The following SH3GL2 variants were observed in gnomAD, a reference collection of about 807,000 sequenced individuals.
SH3GL2 encodes SH3 domain containing GRB2 like 2, endophilin A1.
Under a neutral mutation model 46.0 loss-of-function variants are expected in SH3GL2, and 24 were observed. That is an observed-to-expected ratio of 0.52 (90% CI 0.38 to 0.73). SH3GL2 has a LOEUF of 0.73. Ranked by LOEUF, SH3GL2 falls within the 30% of genes least tolerant of loss-of-function variation. SH3GL2 has a pLI of 0.00. For missense variants in SH3GL2, 413 were observed against 424.2 expected (o/e 0.97, Z 0.23); for synonymous variants, 196 against 147.1 (o/e 1.33, Z -2.40).
At chr9:17,743,838 T>C (rs2118512087) in intron 1 of SH3GL2, among the ~76,000 whole-genome samples, 1 of 152,310 alleles carries the variant, frequency 6.6e-6, no homozygotes, top group South Asian at 2.1e-4. Flanking sequence ...GGGAAATGGT[T>C]TATTCACTAG....
At chr9:17,660,842 A>G (rs534317348) in intron 1 of SH3GL2, among the ~76,000 whole-genome samples, 3 of 152,338 alleles carry the variant, frequency 2.0e-5, no homozygotes, top group Non-Finnish European at 2.9e-5. Flanking sequence ...TGTAAGAACA[A>G]TTAGGTTAAT....
At chr9:17,584,241 C>T (rs1055261202) in intron 1 of SH3GL2, among the ~76,000 whole-genome samples, 9 of 152,282 alleles carry the variant, frequency 5.9e-5, no homozygotes, top group African/African-American at 2.2e-4. Flanking sequence ...TGGCTCACTC[C>T]TGTAATCCCA....
At position 17,584,704 on chromosome 9, in the gene SH3GL2, A is replaced by G. The variant is rs10963151; in HGVS notation, c.45+5417A>G. Among the ~76,000 whole-genome samples, 320 of 152,278 alleles carry G rather than the reference A, an allele frequency of 2.1e-3. 4 individuals are homozygous for G. In the East Asian group the frequency reaches 0.058, roughly 28 times the overall value. On this transcript the variant is annotated intron_variant, in intron 1 of 8. Coordinates refer to ENST00000380607, the MANE Select transcript of SH3GL2 (RefSeq NM_003026.5). ...ATGAGGTAATGCTTGTGAGAGTGCC[A>G]TGCTTGCATAATAAGGATCACTTGA...
intron 1 of SH3GL2, among the ~76,000 whole-genome samples, chr9:17,714,457 C>G (rs1232432653): frequency 6.6e-6 from 1 of 151,328 alleles, no homozygotes; most frequent in East Asian, 1.9e-4. Context: ...TTTTCCCTGC[C>G]TTTTTTTGGA....
At chr9:17,691,088 G>C (rs190187088) in intron 1 of SH3GL2, among the ~76,000 whole-genome samples, 11 of 152,302 alleles carry the variant, frequency 7.2e-5, no homozygotes, top group Admixed American at 7.2e-4. Context: ...ACCTTAGCAT[G>C]CTAGGGTAAA....
chr9:17,667,715 C>T (rs1482163533), intron 1 of SH3GL2, among the ~76,000 whole-genome samples: 1 of 152,040 alleles, frequency 6.6e-6, no homozygotes, highest in Non-Finnish European at 1.5e-5. Flanking sequence ...TATGTTTAAC[C>T]TTTTGAGGTA....
At chr9:17,739,153 G>T (rs1029782115) in intron 1 of SH3GL2, among the ~76,000 whole-genome samples, 1 of 152,142 alleles carries the variant, frequency 6.6e-6, no homozygotes, top group African/African-American at 2.4e-5. Context: ...AAACTGGTTA[G>T]TAGAAAGGGG....
chr9:17,774,235 A>G (rs1823576593), intron 3 of SH3GL2, among the ~76,000 whole-genome samples: 1 of 152,110 alleles, frequency 6.6e-6, no homozygotes, highest in African/African-American at 2.4e-5. Context: ...AGATCATGTC[A>G]TCTGAAAATA....
intron 3 of SH3GL2, among the ~76,000 whole-genome samples, chr9:17,778,912 T>C (rs1823721363): frequency 6.6e-6 from 1 of 152,036 alleles, no homozygotes; most frequent in African/African-American, 2.4e-5. Context: ...GAGGAGCAGG[T>C]TTGGGATGAT....
At chr9:17,732,341 T>C (rs886127168) in intron 1 of SH3GL2, among the ~76,000 whole-genome samples, 4 of 152,086 alleles carry the variant, frequency 2.6e-5, no homozygotes, top group Non-Finnish European at 5.9e-5. Context: ...GGGAATGATA[T>C]CAAAGAGAAT....
chr9:17,666,545 C>CGTGTGT (rs71331502), intron 1 of SH3GL2, among the ~76,000 whole-genome samples: 13,697 of 141,876 alleles, frequency 0.097, 757 homozygotes, highest in East Asian at 0.17. Context: ...ACAAAGGTAA[C>CGTGTGT]GTGTGTGTGT....
chr9:17,587,174 C>T (rs978704880), intron 1 of SH3GL2, among the ~76,000 whole-genome samples: 1 of 152,142 alleles, frequency 6.6e-6, no homozygotes, highest in Non-Finnish European at 1.5e-5. Flanking sequence ...TGCACTCCAG[C>T]CTGGGCGACA....
intron 1 of SH3GL2, among the ~76,000 whole-genome samples, chr9:17,621,121 A>C (rs180757313): frequency 6.6e-5 from 10 of 152,364 alleles, no homozygotes; most frequent in Admixed American, 6.5e-4. Context: ...ACTAATTTCA[A>C]TGCCTGTAGA....
At chr9:17,790,610 T>C (rs1472231048) in intron 6 of SH3GL2, among the ~76,000 whole-genome samples, 1 of 152,176 alleles carries the variant, frequency 6.6e-6, no homozygotes, top group East Asian at 1.9e-4. Flanking sequence ...GGGACAACAC[T>C]GCTTCTGTTG....
At chr9:17,620,723 G>A (rs1277805038) in intron 1 of SH3GL2, among the ~76,000 whole-genome samples, 3 of 152,176 alleles carry the variant, frequency 2.0e-5, no homozygotes, top group Admixed American at 6.5e-5. Flanking sequence ...GTGATTGAAT[G>A]TGGAGGGAGA....
intron 1 of SH3GL2, among the ~76,000 whole-genome samples, chr9:17,612,061 T>TG (rs908784815): frequency 1.3e-5 from 2 of 152,112 alleles, no homozygotes; most frequent in African/African-American, 4.8e-5. Context: ...AGGAGGTGCC[T>TG]GGGGGAAGGT....
chr9:17,616,401 G>A (rs3808754), intron 1 of SH3GL2, among the ~76,000 whole-genome samples: 94,727 of 151,870 alleles, frequency 0.62, 30,033 homozygotes, highest in East Asian at 0.87. Context: ...TTCTATTGGT[G>A]CTTAAAAAAA....
chr9:17,596,026 T>C (rs1057429633), intron 1 of SH3GL2, among the ~76,000 whole-genome samples: 1 of 152,214 alleles, frequency 6.6e-6, no homozygotes, highest in African/African-American at 2.4e-5. Flanking sequence ...TCGTCTTTAC[T>C]TGTAACCCCA....
intron 1 of SH3GL2, among the ~76,000 whole-genome samples, chr9:17,719,060 T>C (rs1415234541): frequency 6.6e-6 from 1 of 152,140 alleles, no homozygotes; most frequent in Non-Finnish European, 1.5e-5. Flanking sequence ...CTGTCTGGTT[T>C]AGTCAGGGTA....
Sources: allele counts gnomAD v4.1 joint callset (sites outside exome capture counted in the v4.1 genomes callset), GRCh38; gene constraint gnomAD v4.1.1; transcripts MANE v1.5; gene names NCBI Gene and HGNC (gene_info 2026-07-23, HGNC 2026-07-21).